Variants in FYB1 observed in about 807,000 individuals in gnomAD.
FYB1 encodes the protein FYN binding protein 1.
In FYB1, 41 loss-of-function variants were observed where a neutral mutation model predicts 94.1. That is an observed-to-expected ratio of 0.44 (90% CI 0.34 to 0.57). The LOEUF (loss-of-function observed/expected upper bound fraction) is 0.57. FYB1 is among the 20% of genes least tolerant of loss of function. FYB1 has a pLI of 0.02. For missense variants in FYB1, 1,050 were observed against 976.8 expected (o/e 1.07, Z -1.00); for synonymous variants, 367 against 353.2 (o/e 1.04, Z -0.44).
At chr5:39,141,740 T>G (rs1336179689) in intron 3 of FYB1, among the ~76,000 whole-genome samples, 1 of 152,058 alleles carries the variant, frequency 6.6e-6, no homozygotes, top group Non-Finnish European at 1.5e-5. Flanking sequence ...GGCATGGTAG[T>G]GCACGTCTGT....
chr5:39,183,306 A>G (rs1056247505), intron 2 of FYB1, among the ~76,000 whole-genome samples: 5 of 152,032 alleles, frequency 3.3e-5, no homozygotes, highest in African/African-American at 1.2e-4. Context: ...TTTTTAAGGT[A>G]CGATTAAGCT....
At chr5:39,214,630 C>A (rs834517) in intron 1 of FYB1, among the ~76,000 whole-genome samples, 1 of 152,128 alleles carries the variant, frequency 6.6e-6, no homozygotes, top group African/African-American at 2.4e-5. Flanking sequence ...AAGCCAGTCA[C>A]GAAACAACAA....
chr5:39,201,978 T>C lies in FYB1; in HGVS notation c.983A>G (p.Gln328Arg), dbSNP rs757829741. ...SKLTVGGPWG[Q>R]SQEKEKGDKN... ...GTCTCCCTTTTCCTTTTCCTGACTT[T>C]GGCCCCATGGCCCCCCCACTGTCAG... The change falls in exon 2 of 19, where the codon CAA (glutamine) becomes CGA (arginine). Residue 328 changes from glutamine to arginine, a missense_variant. Gln to Arg is a conservative substitution (Grantham distance 43, BLOSUM62 1). Transcript: ENST00000512982. The C allele has an allele frequency of 4.3e-6, 7 of 1,613,918 alleles. No individual in the cohort carries two copies. The South Asian group carries it at 7.7e-5, about 18-fold the overall frequency.
intron 1 of FYB1, among the ~76,000 whole-genome samples, chr5:39,245,877 G>C (rs756132383): frequency 4.3e-4 from 65 of 152,224 alleles, no homozygotes; most frequent in Admixed American, 9.8e-4. Flanking sequence ...TGGGATTACA[G>C]GCATGAGCCA....
At chr5:39,184,578 AT>A (rs1362361377) in intron 2 of FYB1, among the ~76,000 whole-genome samples, 2 of 152,336 alleles carry the variant, frequency 1.3e-5, no homozygotes, top group African/African-American at 2.4e-5. Flanking sequence ...TGGCTAGTTC[AT>A]TTGAAGGAAC....
At chr5:39,169,401 G>T in intron 2 of FYB1, 1 of 754,026 alleles carries the variant, frequency 1.3e-6, no homozygotes, top group Non-Finnish European at 2.5e-6. Flanking sequence ...GTACATTCCT[G>T]CCAGATTAGT....
In FYB1 at chr5:39,201,889, G is replaced by T; in HGVS notation, c.1072C>A (p.Pro358Thr). The T allele has an allele frequency of 6.2e-7, 1 of 1,613,994 alleles. No individual in the cohort carries two copies. The highest frequency in any genetic ancestry group is 8.5e-7 in the Non-Finnish European group (1 of 1,179,888). ...PPLFTLGPPP[P>T]KPNRPPNVDL... is the part of the protein sequence containing the mutation. The stretch of plus-strand genomic sequence containing the variant: ...ACATTTGGTGGTCTGTTGGGTTTTG[G>T]TGGAGGTGGACCCAAGGTAAACAAG... Residue 358 changes from proline (P) to threonine (T), a missense_variant, in exon 2 of 19, where the codon CCA becomes ACA. Coordinates refer to ENST00000512982, the MANE Select transcript of FYB1 (RefSeq NM_001465.6).
chr5:39,258,663 G>T (rs1459853450), intron 1 of FYB1, among the ~76,000 whole-genome samples: 4 of 152,056 alleles, frequency 2.6e-5, no homozygotes, highest in African/African-American at 9.7e-5. Flanking sequence ...TGGAGCTAAA[G>T]GGAAATGCAG....
At chr5:39,132,186 C>T (rs1741261266) in intron 9 of FYB1, among the ~76,000 whole-genome samples, 1 of 152,174 alleles carries the variant, frequency 6.6e-6, no homozygotes, top group Non-Finnish European at 1.5e-5. Flanking sequence ...CATTGCTCTT[C>T]ACTCTAGGGA....
At chr5:39,163,001 G>A (rs1276368724) in intron 2 of FYB1, among the ~76,000 whole-genome samples, 2 of 152,022 alleles carry the variant, frequency 1.3e-5, no homozygotes, top group Non-Finnish European at 2.9e-5. Context: ...ATTGGTATTT[G>A]ATATAATACA....
intron 1 of FYB1, among the ~76,000 whole-genome samples, chr5:39,260,670 A>G (rs1025610149): frequency 2.6e-5 from 4 of 152,186 alleles, no homozygotes; most frequent in African/African-American, 7.2e-5. Flanking sequence ...AAAAGTAACT[A>G]TATATTTAGA....
intron 1 of FYB1, among the ~76,000 whole-genome samples, chr5:39,234,462 A>G (rs570941371): frequency 2.0e-5 from 3 of 152,330 alleles, no homozygotes; most frequent in Non-Finnish European, 2.9e-5. Flanking sequence ...TAAAAATTAC[A>G]TAGTTGTGGA....
At position 39,105,865 on chromosome 5, in the gene FYB1, C is replaced by T. The variant is rs1760346895; in HGVS notation, c.*1578G>A. ...GATTAGTGGCATCTAATCTTGGGGC[C>T]TCAGACACCCAAAATCTATATATTG... On this transcript the variant is annotated 3_prime_UTR_variant, in exon 19 of 19. Transcript: ENST00000512982. The T allele has an allele frequency of 3.3e-5, 5 of 151,958 alleles. No homozygotes were observed. Among genetic ancestry groups the T allele is most frequent in the African/African-American group, 1.2e-4 (5 of 41,378 alleles). 9.4% of individuals were successfully genotyped at this position (151,958 alleles called of 1,614,324 possible). A position where few individuals can be genotyped will look rare whatever the true frequency, so the allele number is the denominator to read the frequency against.
chr5:39,269,683 T>C (rs1363943413), intron 1 of FYB1: 1 of 152,242 alleles, frequency 6.6e-6, no homozygotes, highest in Non-Finnish European at 1.5e-5. Flanking sequence ...TGTTCCAATG[T>C]CTGCAATGCA....
At chr5:39,162,677 T>C (rs1192685723) in intron 2 of FYB1, among the ~76,000 whole-genome samples, 2 of 149,568 alleles carry the variant, frequency 1.3e-5, no homozygotes, top group African/African-American at 4.9e-5. Flanking sequence ...AGAGACGCCA[T>C]CTCAAAAAAA....
chr5:39,185,955 C>T (rs149395656), intron 2 of FYB1, among the ~76,000 whole-genome samples: 3 of 152,076 alleles, frequency 2.0e-5, no homozygotes, highest in South Asian at 2.1e-4. Context: ...CTTGAGTGGG[C>T]GAAGCTGAGC....
upstream of FYB1, among the ~76,000 whole-genome samples, chr5:39,220,805 C>T (rs931222562): frequency 2.6e-5 from 4 of 152,190 alleles, no homozygotes; most frequent in African/African-American, 7.2e-5. Context: ...AACTATGGCC[C>T]GCATGCCAAA....
chr5:39,157,289 C>G (rs1743845349), intron 2 of FYB1, among the ~76,000 whole-genome samples: 1 of 152,136 alleles, frequency 6.6e-6, no homozygotes, highest in Non-Finnish European at 1.5e-5. Context: ...GTCCTACAAT[C>G]TGGGCATAAG....
At chr5:39,142,605 A>C (rs1318138007) in intron 3 of FYB1, among the ~76,000 whole-genome samples, 1 of 152,172 alleles carries the variant, frequency 6.6e-6, no homozygotes, top group Non-Finnish European at 1.5e-5. Context: ...TGCCATTCAT[A>C]AGAAACAAAC....
Sources: allele counts gnomAD v4.1 joint callset (sites outside exome capture counted in the v4.1 genomes callset), GRCh38; gene constraint gnomAD v4.1.1; transcripts MANE v1.5; gene names NCBI Gene and HGNC (gene_info 2026-07-23, HGNC 2026-07-21).